The following PRKCQ variants were observed in gnomAD, a reference collection of about 807,000 sequenced individuals.
PRKCQ encodes protein kinase C theta.
PRKCQ carries 41 observed loss-of-function variants against 91.2 expected under a neutral mutation model. That is an observed-to-expected ratio of 0.45 (90% CI 0.35 to 0.58). The LOEUF is 0.58. PRKCQ is among the 20% of genes least tolerant of loss of function. The pLI, the probability that PRKCQ is intolerant of heterozygous loss-of-function variation, is 0.00. For missense variants in PRKCQ, 673 were observed against 896.5 expected (o/e 0.75, Z 3.18); for synonymous variants, 307 against 316.9 (o/e 0.97, Z 0.33).
At chr10:6,557,034 C>T (rs1452168919) in intron 1 of PRKCQ, among the ~76,000 whole-genome samples, 1 of 152,168 alleles carries the variant, frequency 6.6e-6, no homozygotes, top group East Asian at 1.9e-4. Context: ...TCTTTAACCC[C>T]TTGCCATTCT....
intron 15 of PRKCQ, among the ~76,000 whole-genome samples, chr10:6,448,074 TTA>T (rs1834423391): frequency 6.6e-6 from 1 of 151,676 alleles, no homozygotes; most frequent in Admixed American, 6.6e-5. Flanking sequence ...CTGGGGAGGG[TTA>T]TTTAACAAAA....
At chr10:6,404,640 C>T in the PRKCQ span, among the ~76,000 whole-genome samples, 1,315 of 135,978 alleles carry the variant, frequency 9.7e-3, 25 homozygotes, top group African/African-American at 0.035. Context: ...TTCTTCCTTC[C>T]TTTCTTTCCT....
At chr10:6,461,789 G>A (rs936566546) in intron 14 of PRKCQ, among the ~76,000 whole-genome samples, 3 of 152,118 alleles carry the variant, frequency 2.0e-5, no homozygotes, top group Non-Finnish European at 4.4e-5. Context: ...GCTTGTAAAG[G>A]TTTGTATGTT....
intron 1 of PRKCQ, among the ~76,000 whole-genome samples, chr10:6,542,994 G>A (rs548466954): frequency 3.9e-5 from 6 of 152,268 alleles, no homozygotes; most frequent in South Asian, 4.1e-4. Context: ...CTGCCATCAC[G>A]TCCTTTCCCT....
At chr10:6,579,223 T>C (rs1207038899) in intron 1 of PRKCQ, among the ~76,000 whole-genome samples, 1 of 152,174 alleles carries the variant, frequency 6.6e-6, no homozygotes, top group Admixed American at 6.5e-5. Context: ...GTCAAGGACT[T>C]GGACACCAGG....
At position 6,438,928 on chromosome 10, in the gene PRKCQ, G is replaced by C. The variant is rs113242652; in HGVS notation, c.1836+2965C>G. Reference sequence around the variant, plus strand: ...GTGCTAGGCTCTTGATTACAGTGATGGGTCTCTTTGACCCAAATATTTGCT... The same window carrying C: ...GTGCTAGGCTCTTGATTACAGTGATCGGTCTCTTTGACCCAAATATTTGCT... On this transcript the variant is annotated intron_variant, in intron 16 of 17. Transcript: ENST00000263125. Among the ~76,000 whole-genome samples, 1,045 of 152,308 alleles carry C rather than the reference G, an allele frequency of 6.9e-3. 16 individuals carry two copies. The highest frequency in any genetic ancestry group is 0.024 in the African/African-American group (1,002 of 41,552).
In PRKCQ at chr10:6,463,004, C is replaced by CAAA. The variant is rs57879218; in HGVS notation, c.1446-642_1446-640dup. 4.7e-3 allele frequency among the ~76,000 whole-genome samples: 595 copies of CAAA among 127,096 alleles called. 3 individuals carry two copies. Among genetic ancestry groups the CAAA allele is most frequent in the African/African-American group, 0.017 (552 of 33,452 alleles). The allele number at this position is 127,096 out of a possible 152,430, so 83.4% of individuals were successfully genotyped here. On this transcript the variant is annotated intron_variant, in intron 13 of 17. Coordinates refer to ENST00000263125, the MANE Select transcript of PRKCQ (RefSeq NM_006257.5). ...TGGACGACAGAGCAAGACTCTGACT[C>CAAA]AAAAAAAAAAAAAAAAGTAATAGTA...
chr10:6,542,612 G>C lies in PRKCQ; in HGVS notation c.-9-27468C>G, dbSNP rs758967250. On this transcript the variant is annotated intron_variant, in intron 1 of 17. Coordinates refer to ENST00000263125, the MANE Select transcript of PRKCQ (RefSeq NM_006257.5). ...GAACAGTTCTCCCTCGGGGACAACAGCAGAATTGTGTGTAGTTCAACAGCT... is the reference window on the plus strand; with the variant it reads ...GAACAGTTCTCCCTCGGGGACAACACCAGAATTGTGTGTAGTTCAACAGCT... 4.5e-4 allele frequency among the ~76,000 whole-genome samples: 69 copies of C among 152,228 alleles called. 1 individual carries two copies. The highest frequency in any genetic ancestry group is 6.2e-4 in the Non-Finnish European group (42 of 68,044).
chr10:6,565,906 TC>T (rs1413683029), intron 1 of PRKCQ, among the ~76,000 whole-genome samples: 8 of 152,242 alleles, frequency 5.3e-5, no homozygotes, highest in Admixed American at 5.2e-4. Context: ...TGGCTACTGT[TC>T]ATAGTACCCC....
intron 1 of PRKCQ, among the ~76,000 whole-genome samples, chr10:6,569,407 C>A (rs1001605278): frequency 6.6e-6 from 1 of 151,852 alleles, no homozygotes; most frequent in Non-Finnish European, 1.5e-5. Context: ...TAAAGAGGCT[C>A]AGACTTGGAG....
chr10:6,484,321 G>A (rs1293168208), intron 10 of PRKCQ, among the ~76,000 whole-genome samples: 3 of 152,156 alleles, frequency 2.0e-5, no homozygotes, highest in Admixed American at 2.0e-4. Context: ...AGCTGAGGCA[G>A]GAGAATCCCT....
chr10:6,573,579 G>T lies in PRKCQ; in HGVS notation c.-10+6632C>A, dbSNP rs77319284. On this transcript the variant is annotated intron_variant, in intron 1 of 17. Transcript: ENST00000263125. ...GATAGTGACAAGTCAATACATGTTA[G>T]AATATATTGCCATAGTTTGTTTACT... Among the ~76,000 whole-genome samples, 961 of 152,222 alleles carry T rather than the reference G, an allele frequency of 6.3e-3. 11 individuals are homozygous for T. The highest frequency in any genetic ancestry group is 0.022 in the African/African-American group (927 of 41,500).
At chr10:6,394,350 T>A in the PRKCQ span, among the ~76,000 whole-genome samples, 1 of 152,202 alleles carries the variant, frequency 6.6e-6, no homozygotes, top group Non-Finnish European at 1.5e-5. Context: ...CACACAGCAC[T>A]CCACCGATGG....
chr10:6,544,181 G>A (rs973200154), intron 1 of PRKCQ, among the ~76,000 whole-genome samples: 22 of 152,134 alleles, frequency 1.4e-4, no homozygotes, highest in African/African-American at 2.7e-4. Context: ...TTTTACCAAT[G>A]GGGAAAATCA....
At chr10:6,547,836 T>A (rs1295578310) in intron 1 of PRKCQ, among the ~76,000 whole-genome samples, 8 of 150,976 alleles carry the variant, frequency 5.3e-5, no homozygotes, top group Admixed American at 1.3e-4. Context: ...GGACTTCATG[T>A]CTAAAACACC....
chr10:6,466,179 A>T (rs149761361), intron 12 of PRKCQ, among the ~76,000 whole-genome samples: 7 of 152,326 alleles, frequency 4.6e-5, no homozygotes, highest in African/African-American at 1.7e-4. Flanking sequence ...AAGTGTTTGG[A>T]TGCTTACAAA....
chr10:6,548,210 A>G (rs1331227609), intron 1 of PRKCQ, among the ~76,000 whole-genome samples: 1 of 150,728 alleles, frequency 6.6e-6, no homozygotes, highest in Admixed American at 6.6e-5. Flanking sequence ...TTAGAATGGC[A>G]ATCATTAAAA....
intron 16 of PRKCQ, among the ~76,000 whole-genome samples, chr10:6,440,326 C>T (rs1490302252): frequency 3.3e-5 from 5 of 152,162 alleles, no homozygotes; most frequent in Non-Finnish European, 5.9e-5. Context: ...AGCGTTGGTA[C>T]AGTATATAGG....
chr10:6,472,035 G>A (rs148421336), intron 12 of PRKCQ, among the ~76,000 whole-genome samples: 1,572 of 152,234 alleles, frequency 0.01, 26 homozygotes, highest in African/African-American at 0.036. Context: ...GGGGCCGGGC[G>A]CGGTGGCTCA....
Sources: allele counts gnomAD v4.1 joint callset (sites outside exome capture counted in the v4.1 genomes callset), GRCh38; gene constraint gnomAD v4.1.1; transcripts MANE v1.5; gene names NCBI Gene and HGNC (gene_info 2026-07-23, HGNC 2026-07-21).